GRTP1: variants seen among roughly 807,000 people sequenced by gnomAD.
GRTP1 encodes growth hormone-regulated TBC protein 1.
Under a neutral mutation model 38.1 loss-of-function variants are expected in GRTP1, and 56 were observed. The observed-to-expected ratio is 1.47, with a 90% CI of 1.19 to 1.84. The LOEUF is 1.84. Among genes scored for constraint, GRTP1 ranks in the 40% most tolerant of loss-of-function variants. The pLI is 0.00. For synonymous variants in GRTP1, 217 were observed against 189.5 expected (o/e 1.14, Z -1.19); for missense variants, 506 against 453.9 (o/e 1.11, Z -1.04).
chr13:113,325,375 C>T lies in GRTP1; in HGVS notation c.921+286G>A, dbSNP rs559552564. On this transcript the variant is annotated intron_variant, in intron 7 of 7. Transcript: ENST00000375431. ...AGGACCCAGTGGGGAGGCCGGGCCTCGGGAAGCCACACTTCTGGCACCACA... is the reference window on the plus strand; with the variant it reads ...AGGACCCAGTGGGGAGGCCGGGCCTTGGGAAGCCACACTTCTGGCACCACA... The T allele has an allele frequency of 1.6e-4, 224 of 1,428,758 alleles. 1 individual carries two copies. The African/African-American group carries it at 2.1e-3, about 14-fold the overall frequency. The allele number at this position is 1,428,758 out of a possible 1,614,324, so 88.5% of individuals were successfully genotyped here.
chr13:113,335,140 A>C (rs2042937574), intron 5 of GRTP1, among the ~76,000 whole-genome samples: 1 of 151,870 alleles, frequency 6.6e-6, no homozygotes, highest in Non-Finnish European at 1.5e-5. Flanking sequence ...TAATTCTTAA[A>C]CCTGTCAGTT....
intron 5 of GRTP1, 119 bp from the exon 6 acceptor site, chr13:113,326,210 A>T: frequency 7.9e-7 from 1 of 1,263,578 alleles, no homozygotes; most frequent in Non-Finnish European, 1.1e-6. Flanking sequence ...CCCAAGAGGG[A>T]GGGACAAAGT....
At chr13:113,347,291 G>C (rs1328950113) in intron 4 of GRTP1, among the ~76,000 whole-genome samples, 2 of 78,288 alleles carry the variant, frequency 2.6e-5, no homozygotes, top group African/African-American at 7.2e-5. Context: ...GACCTCTGTG[G>C]CTGAGCGGAT....
Position 113,348,053 on chromosome 13 carries a change from T to A in GRTP1, c.465+2796A>T, listed in dbSNP as rs1297435950. ...CTGGCCGAGTGGACCCGGGAGGATCTCCGTGGCTGAGAATGGACCCCTTTG... is the reference window on the plus strand; with the variant it reads ...CTGGCCGAGTGGACCCGGGAGGATCACCGTGGCTGAGAATGGACCCCTTTG... On this transcript the variant is annotated intron_variant, in intron 4 of 7. Coordinates refer to ENST00000375431, the MANE Select transcript of GRTP1 (RefSeq NM_024719.4). This position sits in a 1 kb window ranked among gnomAD's most constrained non-coding sequence, Gnocchi z 4.8. Among the ~76,000 whole-genome samples the A allele has an allele frequency of 6.6e-6, 1 of 152,074 alleles. No individual in the cohort carries two copies.
chr13:113,325,894 C>T (rs763549893), intron 6 of GRTP1, 25 bp downstream of exon 6: 2 of 1,613,782 alleles, frequency 1.2e-6, no homozygotes, highest in Non-Finnish European at 1.7e-6. Flanking sequence ...GCCCGCCCGC[C>T]CCAGGGCCCG....
Position 113,348,814 on chromosome 13 carries a change from C to T in GRTP1, c.465+2035G>A, listed in dbSNP as rs535775473. 1.8e-4 allele frequency among the ~76,000 whole-genome samples: 27 copies of T among 152,130 alleles called. No individual in the cohort carries two copies. In the South Asian group the frequency reaches 3.1e-3, roughly 18 times the overall value. The stretch of plus-strand genomic sequence containing the variant: ...CCTCAGAAAGAACCCGCCCCGCAGA[C>T]GCCGCGACCTCACCTGCCCCGCAGA... On this transcript the variant is annotated intron_variant, in intron 4 of 7. Transcript: ENST00000375431. The surrounding 1 kb of genome is among the most constrained non-coding windows in gnomAD (Gnocchi z 4.8).
chr13:113,340,964 C>CT (rs1478512492), intron 5 of GRTP1, among the ~76,000 whole-genome samples: 1 of 151,812 alleles, frequency 6.6e-6, no homozygotes, highest in African/African-American at 2.4e-5. Context: ...ATTTCTGTCT[C>CT]TTCATTTTTT....
At chr13:113,325,416 C>G in intron 7 of GRTP1, 1 of 1,441,684 alleles carries the variant, frequency 6.9e-7, no homozygotes, top group Non-Finnish European at 9.0e-7. Context: ...CAGATGAGTA[C>G]AGCCATTAGG....
At chr13:113,363,328 C>T (rs888676436) in intron 2 of GRTP1, among the ~76,000 whole-genome samples, 2 of 152,244 alleles carry the variant, frequency 1.3e-5, no homozygotes, top group African/African-American at 2.4e-5. Flanking sequence ...CTGCCTCAGC[C>T]TCCAGAGTAG....
At chr13:113,362,607 A>G (rs748487212) in intron 2 of GRTP1, among the ~76,000 whole-genome samples, 13 of 152,132 alleles carry the variant, frequency 8.5e-5, no homozygotes, top group Non-Finnish European at 1.9e-4. Flanking sequence ...CTGCACTCAG[A>G]GGGATACCCT....
intron 1 of GRTP1, 28 bp downstream of exon 1, chr13:113,363,992 G>C (rs1326748230): frequency 6.7e-7 from 1 of 1,494,702 alleles, no homozygotes. Context: ...CGCAGCCGCC[G>C]GGGACGCCCG....
chr13:113,355,678 G>A, intron 2 of GRTP1, 197 bp from the exon 3 acceptor site: 2 of 533,722 alleles, frequency 3.7e-6, no homozygotes, highest in Middle Eastern at 5.2e-4. Flanking sequence ...TCTCAACAGA[G>A]CACAAACCAG....
chr13:113,333,681 T>C (rs2042908132), intron 5 of GRTP1, among the ~76,000 whole-genome samples: 1 of 150,678 alleles, frequency 6.6e-6, no homozygotes, highest in Non-Finnish European at 1.5e-5. Context: ...ATTTTTGTAT[T>C]TTTAGTAGAG....
chr13:113,332,812 G>A (rs766056665), intron 5 of GRTP1, among the ~76,000 whole-genome samples: 6 of 152,326 alleles, frequency 3.9e-5, no homozygotes, highest in Non-Finnish European at 7.3e-5. Flanking sequence ...CGAGGAAGCC[G>A]TCGGCGCCAC....
Position 113,362,482 on chromosome 13 carries a change from T to C in GRTP1, c.181+1280A>G, listed in dbSNP as rs4907621. 3.9e-3 allele frequency among the ~76,000 whole-genome samples: 588 copies of C among 152,094 alleles called. 10 individuals carry two copies. The highest frequency in any genetic ancestry group is 0.029 in the Admixed American group (438 of 15,276). ...TTAACTTCCATCTCTATAAAAAATTTAAAAATTAGCCAGGAGTGGTGGCCA... is the reference window on the plus strand; with the variant it reads ...TTAACTTCCATCTCTATAAAAAATTCAAAAATTAGCCAGGAGTGGTGGCCA... On this transcript the variant is annotated intron_variant, in intron 2 of 7. Transcript: ENST00000375431.
chr13:113,329,869 A>G (rs1257980207), intron 5 of GRTP1, among the ~76,000 whole-genome samples: 1 of 152,248 alleles, frequency 6.6e-6, no homozygotes, highest in African/African-American at 2.4e-5. Context: ...ATAAAAGATA[A>G]TCAGAAAATG....
intron 4 of GRTP1, among the ~76,000 whole-genome samples, chr13:113,350,384 G>A (rs1270098797): frequency 1.3e-5 from 2 of 151,940 alleles, no homozygotes; most frequent in Non-Finnish European, 2.9e-5. Flanking sequence ...TGGCCTCAGA[G>A]GACGACACAC....
chr13:113,328,307 C>T (rs967128509), intron 5 of GRTP1, among the ~76,000 whole-genome samples: 1 of 152,210 alleles, frequency 6.6e-6, no homozygotes, highest in Admixed American at 6.5e-5. Flanking sequence ...CCTGCACACC[C>T]CTCAGGGTCT....
In GRTP1 at chr13:113,331,648, CTTTTTTTTTTTTTTTT is replaced by C. The variant is rs59328510; in HGVS notation, c.563-5573_563-5558del. On this transcript the variant is annotated intron_variant, in intron 5 of 7. Coordinates refer to ENST00000375431, the MANE Select transcript of GRTP1 (RefSeq NM_024719.4). ...AAGGCTGGTTTTGCTGTTTGGTTTACTTTTTTTTTTTTTTTTTTTTTTTTTTAGACAGAGTCTCACT... is the reference window on the plus strand; with the variant it reads ...AAGGCTGGTTTTGCTGTTTGGTTTACTTTTTTTTTTAGACAGAGTCTCACT... Among the ~76,000 whole-genome samples, 852 of 93,000 alleles carry C rather than the reference CTTTTTTTTTTTTTTTT, an allele frequency of 9.2e-3. 14 individuals are homozygous for C. Among genetic ancestry groups the C allele is most frequent in the African/African-American group, 0.036 (789 of 22,012 alleles). 61.0% of individuals were successfully genotyped at this position (93,000 alleles called of 152,430 possible).
Sources: allele counts gnomAD v4.1 joint callset (sites outside exome capture counted in the v4.1 genomes callset), GRCh38; gene constraint gnomAD v4.1.1; non-coding constraint Gnocchi (gnomAD v3.1); transcripts MANE v1.5; gene names NCBI Gene and HGNC (gene_info 2026-07-23, HGNC 2026-07-21).